The following OTUD3 variants were observed in gnomAD, a reference collection of about 807,000 sequenced individuals.
OTUD3 encodes OTU deubiquitinase 3, also known as OTU domain-containing protein 3.
OTUD3 carries 24 observed loss-of-function variants against 46.2 expected under a neutral mutation model. The observed-to-expected ratio is 0.52, with a 90% confidence interval of 0.38 to 0.73. OTUD3 has a LOEUF of 0.73. Ranked by LOEUF, OTUD3 falls within the 30% of genes least tolerant of loss-of-function variation. The pLI is 0.00. For synonymous variants in OTUD3, 189 were observed against 195.4 expected (o/e 0.97, Z 0.27); for missense variants, 455 against 523.3 (o/e 0.87, Z 1.27).
rs1557678440 is a variant in OTUD3, at chr1:19,897,575, AC to A, written c.520del (p.His174ThrfsTer55). 6.2e-7 allele frequency: 1 copy of A among 1,614,084 alleles called. No homozygotes were observed. Among genetic ancestry groups the A allele is most frequent in the South Asian group, 1.1e-5 (1 of 91,072 alleles). On this transcript the variant is annotated frameshift_variant, in exon 4 of 8. Transcript: ENST00000375120. LOFTEE classifies it high-confidence loss of function. Reference protein sequence around the residue: ...GTEKSSVRELHIAYRYGEHYD... With the variant: ...GTEKSSVRELXIAYRYGEHYD... ...CAGAGAAAAGCAGCGTGAGGGAGTT[AC>A]ACATCGCATATCGGTATGGAGAGCA...
intron 4 of OTUD3, among the ~76,000 whole-genome samples, chr1:19,900,497 T>G (rs2100299486): frequency 6.6e-6 from 1 of 152,240 alleles, no homozygotes; most frequent in South Asian, 2.1e-4. Flanking sequence ...GCTCATAGTT[T>G]GACTTAAAAA....
intron 2 of OTUD3, among the ~76,000 whole-genome samples, chr1:19,891,030 G>A (rs1269634793): frequency 6.6e-6 from 1 of 152,168 alleles, no homozygotes; most frequent in Non-Finnish European, 1.5e-5. Flanking sequence ...ATTAAAATAA[G>A]CCCTTAGTAA....
Position 19,882,459 on chromosome 1 carries a change from C to T in OTUD3, c.-55C>T, listed in dbSNP as rs1020489370. On this transcript the variant is annotated 5_prime_UTR_variant, in exon 1 of 8. In the 5' UTR this introduces an upstream ATG that the reference lacks. Coordinates refer to ENST00000375120, the MANE Select transcript of OTUD3 (RefSeq NM_015207.2). ...TTACCTTCCCAACGCTTGAGGCGGA[C>T]GCTGGGGGGTCCTGCGCCTTTCCCT... 3 of 1,325,760 alleles carry T rather than the reference C, an allele frequency of 2.3e-6. No individual in the cohort carries two copies. Among genetic ancestry groups the T allele is most frequent in the Admixed American group, 3.9e-5 (1 of 25,612 alleles). 82.1% of individuals were successfully genotyped at this position (1,325,760 alleles called of 1,614,324 possible).
chr1:19,898,946 G>T (rs1356790840), intron 4 of OTUD3, among the ~76,000 whole-genome samples: 1 of 152,032 alleles, frequency 6.6e-6, no homozygotes, highest in African/African-American at 2.4e-5. Context: ...GAGTAACTAG[G>T]ACTACAGGTG....
In OTUD3 at chr1:19,904,882, C is replaced by A; in HGVS notation, c.739-9C>A. 1.4e-6 allele frequency: 2 copies of A among 1,386,892 alleles called. No homozygotes were observed. The highest frequency in any genetic ancestry group is 1.4e-5 in the African/African-American group (1 of 69,402). 85.9% of individuals were successfully genotyped at this position (1,386,892 alleles called of 1,614,324 possible). On this transcript the variant is annotated splice_polypyrimidine_tract_variant and intron_variant, in intron 5 of 7. Coordinates refer to ENST00000375120, the MANE Select transcript of OTUD3 (RefSeq NM_015207.2). The stretch of plus-strand genomic sequence containing the variant: ...AAGTGGTTTTTTTGTTTGTTTGTTT[C>A]TTGGATAGGATTTTAATTTAATAGT...
intron 4 of OTUD3, among the ~76,000 whole-genome samples, chr1:19,901,973 G>A (rs187658628): frequency 1.3e-5 from 2 of 152,250 alleles, no homozygotes; most frequent in Non-Finnish European, 2.9e-5. Context: ...GCTGCTGTGA[G>A]TATATGTGTA....
At chr1:19,899,338 C>A (rs981948426) in intron 4 of OTUD3, among the ~76,000 whole-genome samples, 1 of 152,158 alleles carries the variant, frequency 6.6e-6, no homozygotes, top group African/African-American at 2.4e-5. Context: ...CTCTCCCCAC[C>A]ACTAGTTGTA....
Position 19,897,642 on chromosome 1 carries a change from C to A in OTUD3, c.586C>A (p.Pro196Thr), listed in dbSNP as rs776608771. 2.5e-6 allele frequency: 4 copies of A among 1,613,764 alleles called. No homozygotes were observed. The highest frequency in any genetic ancestry group is 4.5e-5 in the East Asian group (2 of 44,844). ...GAGGATCAATGACAACTCAGAGGCA[C>A]CTGCACATCTCCAGACGGATGTGAG... ...VRRINDNSEA[P>T]AHLQTDFQML... is the part of the protein sequence containing the mutation. The change falls in exon 4 of 8, where the codon CCT (proline) becomes ACT (threonine). Residue 196 changes from proline (P) to threonine (T), a missense_variant. Coordinates refer to ENST00000375120, the MANE Select transcript of OTUD3 (RefSeq NM_015207.2).
chr1:19,891,255 T>C (rs1350218577), intron 2 of OTUD3, among the ~76,000 whole-genome samples: 8 of 152,258 alleles, frequency 5.3e-5, no homozygotes, highest in African/African-American at 1.7e-4. Flanking sequence ...ATAGATCTTA[T>C]AGAAAATGCA....
At chr1:19,894,614 CA>C (rs2045492880) in intron 3 of OTUD3, 134 bp downstream of exon 3, 2 of 551,220 alleles carry the variant, frequency 3.6e-6, no homozygotes, top group South Asian at 5.4e-5. Context: ...TAACCAAAGA[CA>C]AAAATCTTGT....
At position 19,907,934 on chromosome 1, in the gene OTUD3, G is replaced by T; in HGVS notation, c.*188G>T. 2.0e-6 allele frequency: 1 copy of T among 509,494 alleles called. No individual in the cohort carries two copies. Among genetic ancestry groups the T allele is most frequent in the Non-Finnish European group, 3.4e-6 (1 of 290,734 alleles). 31.6% of individuals were successfully genotyped at this position (509,494 alleles called of 1,614,324 possible). A position where few individuals can be genotyped will look rare whatever the true frequency, so the allele number is the denominator to read the frequency against. ...TCGAAGTTTTATTAGTGATATGTTG[G>T]TGTTTTATGAAAATGCAGTGAGGCC... On this transcript the variant is annotated 3_prime_UTR_variant, in exon 8 of 8. Coordinates refer to ENST00000375120, the MANE Select transcript of OTUD3 (RefSeq NM_015207.2).
At position 19,910,417 on chromosome 1, in the gene OTUD3, A is replaced by G. The variant is rs2045720469; in HGVS notation, c.*2671A>G. 6.6e-6 allele frequency: 1 copy of G among 152,338 alleles called. No individual in the cohort carries two copies. Among genetic ancestry groups the G allele is most frequent in the African/African-American group, 2.4e-5 (1 of 41,442 alleles). 9.4% of individuals were successfully genotyped at this position (152,338 alleles called of 1,614,324 possible). A position where few individuals can be genotyped will look rare whatever the true frequency, so the allele number is the denominator to read the frequency against. On this transcript the variant is annotated 3_prime_UTR_variant, in exon 8 of 8. Coordinates refer to ENST00000375120, the MANE Select transcript of OTUD3 (RefSeq NM_015207.2). ...TATTTTTTTTTAGAGGTCAAAATAA[A>G]TACCATTTTAGTGGCAACAGCTTTG...
At chr1:19,893,548 T>G (rs1432217790) in intron 2 of OTUD3, among the ~76,000 whole-genome samples, 1 of 152,228 alleles carries the variant, frequency 6.6e-6, no homozygotes, top group African/African-American at 2.4e-5. Context: ...TGTTTTGTTT[T>G]GCTTATTGAT....
chr1:19,903,087 G>T (rs911065728), intron 4 of OTUD3, among the ~76,000 whole-genome samples: 7 of 107,590 alleles, frequency 6.5e-5, no homozygotes, highest in Non-Finnish European at 1.2e-4. Flanking sequence ...TAGCTCTGTT[G>T]TCCAGGCTGG....
chr1:19,894,322 T>C, intron 2 of OTUD3, 46 bp from the exon 3 acceptor site: 2 of 1,109,440 alleles, frequency 1.8e-6, no homozygotes, highest in Non-Finnish European at 2.7e-6. Flanking sequence ...TGCATTTAGA[T>C]TTTTCCACTA....
At chr1:19,889,290 CAA>C (rs202060582) in intron 1 of OTUD3, among the ~76,000 whole-genome samples, 3 of 137,996 alleles carry the variant, frequency 2.2e-5, no homozygotes, top group Admixed American at 7.2e-5. Context: ...CCCTCCCCTG[CAA>C]AAAAAAAAAA....
At chr1:19,906,065 A>AT (rs1263172700) in intron 6 of OTUD3, among the ~76,000 whole-genome samples, 1 of 152,238 alleles carries the variant, frequency 6.6e-6, no homozygotes, top group Non-Finnish European at 1.5e-5. Flanking sequence ...AAATGGCCAC[A>AT]TATAGCTGGT....
chr1:19,882,475 G>T lies in OTUD3; in HGVS notation c.-39G>T, dbSNP rs1456910166. ...TGAGGCGGACGCTGGGGGGTCCTGC[G>T]CCTTTCCCTCCTGCCGCTGGGGACT... is the stretch of plus-strand genomic sequence containing the variant. On this transcript the variant is annotated 5_prime_UTR_variant, in exon 1 of 8. Coordinates refer to ENST00000375120, the MANE Select transcript of OTUD3 (RefSeq NM_015207.2). The T allele has an allele frequency of 2.4e-5, 32 of 1,341,122 alleles. No individual in the cohort carries two copies. In the Admixed American group the frequency reaches 1.1e-3, roughly 48 times the overall value. The allele number at this position is 1,341,122 out of a possible 1,614,324, so 83.1% of individuals were successfully genotyped here.
At chr1:19,894,759 C>T (rs2045493996) in intron 3 of OTUD3, among the ~76,000 whole-genome samples, 1 of 152,170 alleles carries the variant, frequency 6.6e-6, no homozygotes, top group African/African-American at 2.4e-5. Flanking sequence ...AGTGTGGAAA[C>T]ACAGGCTGTC....
Sources: allele counts gnomAD v4.1 joint callset (sites outside exome capture counted in the v4.1 genomes callset), GRCh38; gene constraint gnomAD v4.1.1; transcripts MANE v1.5; gene names NCBI Gene and HGNC (gene_info 2026-07-23, HGNC 2026-07-21).